Variants in CNTNAP2 observed in about 807,000 individuals in gnomAD.
CNTNAP2 encodes the protein contactin-associated protein-like 2.
In CNTNAP2, 98 loss-of-function variants were observed where a neutral mutation model predicts 155.2. The observed-to-expected ratio is 0.63, with a 90% confidence interval of 0.54 to 0.75. The LOEUF is 0.75. CNTNAP2 is among the 30% of genes least tolerant of loss of function. CNTNAP2 has a pLI of 0.00. For missense variants in CNTNAP2, 1,727 were observed against 1,688.1 expected, an observed-to-expected ratio of 1.02 and a Z score of -0.40; for synonymous variants, 651 against 631.2, an observed-to-expected ratio of 1.03 and a Z score of -0.47.
intron 8 of CNTNAP2, among the ~76,000 whole-genome samples, chr7:147,187,769 A>G (rs965811986): frequency 2.4e-4 from 36 of 152,188 alleles, no homozygotes; most frequent in African/African-American, 7.5e-4. Flanking sequence ...AATAATCGAT[A>G]CATAAAATAA....
chr7:146,537,927 C>G (rs1275687912), intron 1 of CNTNAP2, among the ~76,000 whole-genome samples: 1 of 151,976 alleles, frequency 6.6e-6, no homozygotes. Flanking sequence ...TTTTGGCTGT[C>G]ATGTGATTGA....
intron 18 of CNTNAP2, among the ~76,000 whole-genome samples, chr7:148,206,677 T>G (rs543441016): frequency 6.6e-6 from 1 of 152,264 alleles, no homozygotes; most frequent in African/African-American, 2.4e-5. Flanking sequence ...GGCAGGCCTC[T>G]CCCCAGACAA....
At chr7:147,503,900 A>G (rs1219955692) in intron 11 of CNTNAP2, among the ~76,000 whole-genome samples, 1 of 152,188 alleles carries the variant, frequency 6.6e-6, no homozygotes, top group Non-Finnish European at 1.5e-5. Context: ...CTGTGGGTTT[A>G]AAGAACCCTG....
At chr7:147,614,647 T>C (rs1329693347) in intron 12 of CNTNAP2, among the ~76,000 whole-genome samples, 1 of 151,694 alleles carries the variant, frequency 6.6e-6, no homozygotes, top group Non-Finnish European at 1.5e-5. Context: ...CTTTTTCTAA[T>C]GACTAAGACC....
intron 13 of CNTNAP2, among the ~76,000 whole-genome samples, chr7:147,781,816 G>A (rs1797665595): frequency 6.6e-6 from 1 of 152,164 alleles, no homozygotes; most frequent in Non-Finnish European, 1.5e-5. Flanking sequence ...GAGGTCAGGA[G>A]ATCGAGACCA....
At chr7:147,414,648 A>G (rs1343789515) in intron 10 of CNTNAP2, among the ~76,000 whole-genome samples, 2 of 152,000 alleles carry the variant, frequency 1.3e-5, no homozygotes, top group Admixed American at 1.3e-4. Flanking sequence ...AATGAATTTA[A>G]GAAATGGATT....
chr7:148,035,778 G>A, intron 15 of CNTNAP2, among the ~76,000 whole-genome samples: 1 of 152,184 alleles, frequency 6.6e-6, no homozygotes, highest in South Asian at 2.1e-4. Context: ...GCCCCAGCCT[G>A]GGAGAGATGC....
intron 1 of CNTNAP2, among the ~76,000 whole-genome samples, chr7:146,650,100 T>G (rs1373669422): frequency 6.6e-6 from 1 of 151,912 alleles, no homozygotes; most frequent in East Asian, 1.9e-4. Context: ...TTGGTGGGAG[T>G]GTAATTTGTC....
chr7:146,576,385 T>C (rs1222054045), intron 1 of CNTNAP2, among the ~76,000 whole-genome samples: 2 of 152,152 alleles, frequency 1.3e-5, no homozygotes, highest in Non-Finnish European at 2.9e-5. Flanking sequence ...ATATGGACAT[T>C]GTACAACAGC....
intron 3 of CNTNAP2, among the ~76,000 whole-genome samples, chr7:146,961,180 T>G (rs1252326609): frequency 6.6e-6 from 1 of 152,178 alleles, no homozygotes; most frequent in Non-Finnish European, 1.5e-5. Context: ...CCATTTACAT[T>G]TTCATTCCCC....
chr7:147,756,464 A>T (rs7800200), intron 13 of CNTNAP2, among the ~76,000 whole-genome samples: 10,552 of 152,282 alleles, frequency 0.069, 379 homozygotes, highest in South Asian at 0.087. Context: ...GCAGAAAGTC[A>T]CTTGTCACTG....
At chr7:147,094,593 A>G (rs1254957558) in intron 4 of CNTNAP2, among the ~76,000 whole-genome samples, 1 of 151,002 alleles carries the variant, frequency 6.6e-6, no homozygotes, top group Non-Finnish European at 1.5e-5. Flanking sequence ...TTTTTAGTAG[A>G]GACGGGGTTT....
At chr7:147,980,579 A>G (rs1290401308) in intron 15 of CNTNAP2, among the ~76,000 whole-genome samples, 1 of 151,976 alleles carries the variant, frequency 6.6e-6, no homozygotes, top group African/African-American at 2.4e-5. Flanking sequence ...CCTACCTGGT[A>G]CTCGAATTGC....
chr7:146,182,503 T>C (rs546361862), intron 1 of CNTNAP2, among the ~76,000 whole-genome samples: 1 of 152,278 alleles, frequency 6.6e-6, no homozygotes, highest in East Asian at 1.9e-4. Context: ...ATAGAATGTG[T>C]TCTTCCAAAG....
chr7:146,835,264 C>T lies in CNTNAP2; in HGVS notation c.209-4447C>T, dbSNP rs1585114378. ...TATTCTGGAGCATTCATTAGCAAAA[C>T]AGAGGAAATAGTCTAAGTTTCACCA... On this transcript the variant is annotated intron_variant, in intron 2 of 23. Transcript: ENST00000361727. Among the ~76,000 whole-genome samples, 3 of 152,268 alleles carry T rather than the reference C, an allele frequency of 2.0e-5. No individual in the cohort carries two copies. The East Asian group carries it at 5.8e-4, about 29-fold the overall frequency.
Position 147,154,896 on chromosome 7 carries a change from T to C in CNTNAP2, c.1348+22387T>C, listed in dbSNP as rs1801893496. ...TAGATTATGTCTTCGATTCATTATATATTGTTGTAATTAATAAGGGGCAAG... is the reference window on the plus strand; with the variant it reads ...TAGATTATGTCTTCGATTCATTATACATTGTTGTAATTAATAAGGGGCAAG... On this transcript the variant is annotated intron_variant, in intron 8 of 23. Coordinates refer to ENST00000361727, the MANE Select transcript of CNTNAP2 (RefSeq NM_014141.6). Among the ~76,000 whole-genome samples the C allele has an allele frequency of 3.3e-5, 5 of 152,182 alleles. 1 individual carries two copies. Among genetic ancestry groups the C allele is most frequent in the Middle Eastern group, 3.4e-3 (1 of 290 alleles).
At chr7:147,386,799 C>T (rs1487371645) in intron 9 of CNTNAP2, among the ~76,000 whole-genome samples, 1 of 152,220 alleles carries the variant, frequency 6.6e-6, no homozygotes, top group East Asian at 1.9e-4. Flanking sequence ...TTCTTTTCAG[C>T]AGCACCTCAC....
At chr7:147,225,789 A>T (rs551388339) in intron 8 of CNTNAP2, among the ~76,000 whole-genome samples, 1,405 of 128,872 alleles carry the variant, frequency 0.011, 31 homozygotes, top group African/African-American at 0.038. Context: ...GAAGGAAGGA[A>T]GGAAGGAAGG....
intron 11 of CNTNAP2, among the ~76,000 whole-genome samples, chr7:147,535,651 G>A (rs1799526103): frequency 6.6e-6 from 1 of 152,052 alleles, no homozygotes; most frequent in Non-Finnish European, 1.5e-5. Flanking sequence ...AAATGTTTTG[G>A]AAATATCTCC....
Sources: allele counts gnomAD v4.1 joint callset (sites outside exome capture counted in the v4.1 genomes callset), GRCh38; gene constraint gnomAD v4.1.1; transcripts MANE v1.5; gene names NCBI Gene and HGNC (gene_info 2026-07-23, HGNC 2026-07-21).